SPATA16: variants seen among roughly 807,000 people sequenced by gnomAD.
SPATA16 encodes the protein spermatogenesis-associated protein 16.
In SPATA16, 36 loss-of-function variants were observed where a neutral mutation model predicts 63.3. The ratio of observed to expected loss-of-function variants is 0.57; its 90% CI spans 0.44 to 0.75. The LOEUF (loss-of-function observed/expected upper bound fraction) is 0.75, where lower values mean the gene tolerates loss of function less well. Ranked by LOEUF, SPATA16 falls within the 30% of genes least tolerant of loss-of-function variation. SPATA16 has a pLI of 0.00. For missense variants in SPATA16, 646 were observed against 679.3 expected (o/e 0.95, Z 0.54); for synonymous variants, 203 against 216.7 (o/e 0.94, Z 0.56).
chr3:173,059,149 A>G (rs1418296551), intron 2 of SPATA16, among the ~76,000 whole-genome samples: 1 of 152,106 alleles, frequency 6.6e-6, no homozygotes, highest in South Asian at 2.1e-4. Context: ...TGTTTACTGT[A>G]TTTCTTAACT....
At chr3:173,054,999 C>T (rs1736188353) in intron 2 of SPATA16, among the ~76,000 whole-genome samples, 1 of 152,084 alleles carries the variant, frequency 6.6e-6, no homozygotes, top group Non-Finnish European at 1.5e-5. Flanking sequence ...AAGACACGAG[C>T]AACCATTTCA....
chr3:173,134,492 A>T (rs1244762060), intron 1 of SPATA16, among the ~76,000 whole-genome samples: 1 of 151,976 alleles, frequency 6.6e-6, no homozygotes, highest in Non-Finnish European at 1.5e-5. Flanking sequence ...CTGCCTCAAA[A>T]AAGAAAAAAA....
At chr3:172,930,712 C>G (rs1173192004) in intron 6 of SPATA16, among the ~76,000 whole-genome samples, 1 of 152,032 alleles carries the variant, frequency 6.6e-6, no homozygotes, top group African/African-American at 2.4e-5. Context: ...TTGCCTGCCA[C>G]CATACCTGGC....
At chr3:173,078,985 G>T (rs1736869569) in intron 2 of SPATA16, among the ~76,000 whole-genome samples, 1 of 152,136 alleles carries the variant, frequency 6.6e-6, no homozygotes, top group Non-Finnish European at 1.5e-5. Context: ...CTAATTAAAA[G>T]GACTTGAAAA....
intron 4 of SPATA16, among the ~76,000 whole-genome samples, chr3:172,996,945 A>G (rs557570969): frequency 1.9e-4 from 29 of 152,114 alleles, no homozygotes; most frequent in African/African-American, 6.5e-4. Context: ...TGAGTTAAAA[A>G]TTTTTTCATG....
Position 173,118,355 on chromosome 3 carries a change from G to T in SPATA16, c.-18-606C>A, listed in dbSNP as rs150139894. Among the ~76,000 whole-genome samples, 522 of 152,266 alleles carry T rather than the reference G, an allele frequency of 3.4e-3. 1 individual carries two copies. The highest frequency in any genetic ancestry group is 6.3e-3 in the Non-Finnish European group (429 of 68,020). Reference sequence around the variant, plus strand: ...GAAGAACATGACCTTCAATCTTACAGAAATGTGAGCCATAGACTTATCTTT... The same window carrying T: ...GAAGAACATGACCTTCAATCTTACATAAATGTGAGCCATAGACTTATCTTT... On this transcript the variant is annotated intron_variant, in intron 1 of 10. Transcript: ENST00000351008.
chr3:172,930,917 C>T (rs1416891124), intron 6 of SPATA16, among the ~76,000 whole-genome samples: 1 of 151,738 alleles, frequency 6.6e-6, no homozygotes, highest in African/African-American at 2.4e-5. Context: ...GCAACCTCTA[C>T]CTTCTGGCGA....
intron 5 of SPATA16, among the ~76,000 whole-genome samples, 199 bp from the exon 6 acceptor site, chr3:172,957,023 T>C (rs189773685): frequency 6.6e-6 from 1 of 152,152 alleles, no homozygotes; most frequent in Admixed American, 6.5e-5. Flanking sequence ...AGAAAACCAA[T>C]TAAATGAAGA....
At chr3:173,102,112 C>T (rs972714715) in intron 2 of SPATA16, among the ~76,000 whole-genome samples, 1 of 152,196 alleles carries the variant, frequency 6.6e-6, no homozygotes, top group Non-Finnish European at 1.5e-5. Context: ...GTCCTGAACC[C>T]TTCCCCTTAT....
Position 173,054,355 on chromosome 3 carries a change from T to C in SPATA16, c.613-5261A>G, listed in dbSNP as rs559489384. Among the ~76,000 whole-genome samples, 37 of 152,286 alleles carry C rather than the reference T, an allele frequency of 2.4e-4. No individual in the cohort carries two copies. The South Asian group carries it at 4.1e-3, about 17-fold the overall frequency. ...CACATGTATGTTTATTATAGCACAA[T>C]TTACAACAGCAAAGACATGGAACCA... On this transcript the variant is annotated intron_variant, in intron 2 of 10. Transcript: ENST00000351008.
chr3:173,007,345 G>A (rs993315896), intron 4 of SPATA16, among the ~76,000 whole-genome samples: 4 of 152,118 alleles, frequency 2.6e-5, no homozygotes, highest in Admixed American at 2.0e-4. Context: ...GGACAGGTGC[G>A]GAGGATGATA....
At chr3:173,057,268 C>A (rs778635615) in intron 2 of SPATA16, among the ~76,000 whole-genome samples, 4 of 151,992 alleles carry the variant, frequency 2.6e-5, no homozygotes, top group African/African-American at 7.2e-5. Flanking sequence ...CCCGCCGCCA[C>A]GCCTGGGTAA....
intron 6 of SPATA16, among the ~76,000 whole-genome samples, chr3:172,954,987 A>G (rs1733536600): frequency 6.6e-6 from 1 of 152,242 alleles, no homozygotes; most frequent in East Asian, 1.9e-4. Context: ...ATAAGATAAT[A>G]GAAACAATCA....
At chr3:172,894,997 TA>T (rs113592613) in intron 10 of SPATA16, among the ~76,000 whole-genome samples, 22,781 of 151,790 alleles carry the variant, frequency 0.15, 2,717 homozygotes, top group African/African-American at 0.33. Flanking sequence ...GTATCATAGT[TA>T]AAAAAAAATT....
intron 1 of SPATA16, among the ~76,000 whole-genome samples, chr3:173,125,051 A>G (rs1738191444): frequency 6.6e-6 from 1 of 152,162 alleles, no homozygotes; most frequent in Non-Finnish European, 1.5e-5. Flanking sequence ...AATACATCTT[A>G]ACAATACCAA....
intron 4 of SPATA16, among the ~76,000 whole-genome samples, chr3:172,994,564 G>A (rs1288824620): frequency 1.3e-5 from 2 of 152,162 alleles, no homozygotes; most frequent in Non-Finnish European, 2.9e-5. Context: ...GCACACGCAC[G>A]TGATGGGAAA....
intron 4 of SPATA16, among the ~76,000 whole-genome samples, chr3:172,980,682 T>C (rs575934717): frequency 7.2e-5 from 11 of 152,294 alleles, no homozygotes; most frequent in African/African-American, 2.6e-4. Context: ...TATCTCACTC[T>C]TCTAGTTTCT....
At chr3:172,952,938 CAAAAAAAAAAAA>C (rs60404306) in intron 6 of SPATA16, among the ~76,000 whole-genome samples, 4 of 78,044 alleles carry the variant, frequency 5.1e-5, no homozygotes, top group African/African-American at 1.4e-4. Context: ...GACTCCATCT[CAAAAAAAAAAAA>C]AAAAAAAAAA....
At position 172,930,622 on chromosome 3, in the gene SPATA16, G is replaced by T. The variant is rs1298092608; in HGVS notation, c.1082-5130C>A. Among the ~76,000 whole-genome samples, 7 of 135,922 alleles carry T rather than the reference G, an allele frequency of 5.2e-5. No homozygotes were observed. The East Asian group carries it at 1.4e-3, about 26-fold the overall frequency. 89.2% of individuals were successfully genotyped at this position (135,922 alleles called of 152,430 possible). A position where few individuals can be genotyped will look rare whatever the true frequency, so the allele number is the denominator to read the frequency against. ...CGCCCAGGCTGGAGTGCGGTGGCGCGATCTCAGCTCCCTGCAAGCTCCACC... is the reference window on the plus strand; with the variant it reads ...CGCCCAGGCTGGAGTGCGGTGGCGCTATCTCAGCTCCCTGCAAGCTCCACC... On this transcript the variant is annotated intron_variant, in intron 6 of 10. Coordinates refer to ENST00000351008, the MANE Select transcript of SPATA16 (RefSeq NM_031955.6).
Sources: allele counts gnomAD v4.1 joint callset (sites outside exome capture counted in the v4.1 genomes callset), GRCh38; gene constraint gnomAD v4.1.1; transcripts MANE v1.5; gene names NCBI Gene and HGNC (gene_info 2026-07-23, HGNC 2026-07-21).